The following TRAPPC11 variants were observed in gnomAD, a reference collection of about 807,000 sequenced individuals.
TRAPPC11 encodes foie gras homolog.
In TRAPPC11, 104 loss-of-function variants were observed where a neutral mutation model predicts 151.2. That is an observed-to-expected ratio of 0.69 (90% CI 0.59 to 0.81). The LOEUF (loss-of-function observed/expected upper bound fraction) is 0.81, where lower values mean the gene tolerates loss of function less well. Among genes scored for constraint, TRAPPC11 ranks in the 30% least tolerant of loss-of-function variants. The probability of loss-of-function intolerance (pLI) is 0.00; values close to 1 mark genes in which losing one functional copy is unlikely to be tolerated. For missense variants in TRAPPC11, 1,230 were observed against 1,349.6 expected, an observed-to-expected ratio of 0.91 and a Z score of 1.39; for synonymous variants, 456 against 472.3, an observed-to-expected ratio of 0.97 and a Z score of 0.45.
In TRAPPC11 at chr4:183,694,018, G is replaced by C. The variant is rs747095085; in HGVS notation, c.2488G>C (p.Asp830His). Residue 830 changes from aspartate to histidine, a missense_variant, in exon 22 of 30, where the codon GAC (aspartate) becomes CAC (histidine). Coordinates refer to ENST00000334690, the MANE Select transcript of TRAPPC11 (RefSeq NM_021942.6). Reference sequence around the variant, plus strand: ...TTTACTCACTGACATTCCTGTTGGAGACTTACATCCAGGGGAACAGGTAAA... The same window carrying C: ...TTTACTCACTGACATTCCTGTTGGACACTTACATCCAGGGGAACAGGTAAA... ...PALLTDIPVG[D>H]LHPGEQLEKM... The C allele has an allele frequency of 1.2e-6, 2 of 1,613,968 alleles. No individual in the cohort carries two copies. Among genetic ancestry groups the C allele is most frequent in the Non-Finnish European group, 1.7e-6 (2 of 1,179,838 alleles).
At chr4:183,683,942 T>A in intron 11 of TRAPPC11, 33 bp from the exon 12 acceptor site, 1 of 1,532,298 alleles carries the variant, frequency 6.5e-7, no homozygotes, top group Non-Finnish European at 9.0e-7. Context: ...TTAAATGAGC[T>A]GTCTAAAATG....
intron 20 of TRAPPC11, 72 bp from the exon 21 acceptor site, chr4:183,693,517 T>A: frequency 1.3e-6 from 2 of 1,503,128 alleles, no homozygotes; most frequent in Non-Finnish European, 1.8e-6. Flanking sequence ...CTTATTTCTT[T>A]TAAATACTTT....
In TRAPPC11 at chr4:183,692,997, G is replaced by A. The variant is rs775381679; in HGVS notation, c.2087G>A (p.Gly696Glu). Residue 696 changes from glycine (G) to glutamate (E), a missense_variant, in exon 20 of 30, where the codon GGA becomes GAA. By Grantham distance (98) the Gly-to-Glu change is moderately conservative. Transcript: ENST00000334690. The stretch of plus-strand genomic sequence containing the variant: ...GATCTTGCTCTGGGCAATGAGACGG[G>A]AAGATGTGTGGTTTTAAATTGGCAG... ...SVDLALGNET[G>E]RCVVLNWQGG... 4 of 1,613,214 alleles carry A rather than the reference G, an allele frequency of 2.5e-6. No homozygotes were observed. In the Admixed American group the frequency reaches 5.0e-5, roughly 20 times the overall value.
chr4:183,686,164 C>G (rs1348195532), intron 17 of TRAPPC11, among the ~76,000 whole-genome samples: 2 of 151,858 alleles, frequency 1.3e-5, no homozygotes, highest in Non-Finnish European at 2.9e-5. Context: ...TGAGATAGAG[C>G]CTTGCTCTGT....
intron 5 of TRAPPC11, among the ~76,000 whole-genome samples, chr4:183,673,018 A>G (rs907303257): frequency 6.9e-6 from 1 of 145,778 alleles, no homozygotes; most frequent in Non-Finnish European, 1.5e-5. Context: ...GCTGGAGTAC[A>G]GTGGCGTCAT....
chr4:183,674,128 C>T (rs1454707618), intron 5 of TRAPPC11, among the ~76,000 whole-genome samples: 1 of 152,006 alleles, frequency 6.6e-6, no homozygotes, highest in Non-Finnish European at 1.5e-5. Flanking sequence ...AAATTTTAGG[C>T]CAGGAGCGGT....
intron 26 of TRAPPC11, among the ~76,000 whole-genome samples, chr4:183,703,109 C>A (rs1428811772): frequency 1.3e-5 from 2 of 152,096 alleles, no homozygotes; most frequent in Non-Finnish European, 2.9e-5. Flanking sequence ...AAGCATAGAA[C>A]AAGAAGGAAA....
intron 23 of TRAPPC11, 150 bp downstream of exon 23, chr4:183,694,873 T>G (rs1016412985): frequency 2.6e-6 from 2 of 783,442 alleles, no homozygotes; most frequent in African/African-American, 1.9e-5. Flanking sequence ...AAAAAATCAC[T>G]TATATTGAGA....
At chr4:183,688,253 T>C (rs1016690028) in intron 18 of TRAPPC11, among the ~76,000 whole-genome samples, 3 of 152,090 alleles carry the variant, frequency 2.0e-5, no homozygotes, top group African/African-American at 7.2e-5. Flanking sequence ...ACAGCTGTAG[T>C]AGGCATGCCA....
rs181452400 is a variant in TRAPPC11 at position 183,706,501 on chromosome 4, T to C, written c.3056-306T>C. Among the ~76,000 whole-genome samples, 65 of 147,968 alleles carry C rather than the reference T, an allele frequency of 4.4e-4. 1 individual carries two copies. The East Asian group carries it at 9.0e-3, about 20-fold the overall frequency. ...TAGCACCACTGCACTCCAGCCTGGG[T>C]GAAAGAGCGAGACTCCGCCTCAAAA... On this transcript the variant is annotated intron_variant, in intron 27 of 29. Transcript: ENST00000334690.
At chr4:183,664,659 A>C (rs1345324958) in intron 2 of TRAPPC11, among the ~76,000 whole-genome samples, 1 of 152,192 alleles carries the variant, frequency 6.6e-6, no homozygotes, top group Non-Finnish European at 1.5e-5. Flanking sequence ...TATCATGATG[A>C]TAGTATCACT....
chr4:183,707,178 T>G (rs1737116372), intron 28 of TRAPPC11, among the ~76,000 whole-genome samples: 1 of 152,060 alleles, frequency 6.6e-6, no homozygotes, highest in Admixed American at 6.6e-5. Flanking sequence ...CACAAATCCT[T>G]GGACTATATT....
chr4:183,711,319 G>A (rs536627350), intron 29 of TRAPPC11, among the ~76,000 whole-genome samples: 10 of 152,180 alleles, frequency 6.6e-5, no homozygotes, highest in Admixed American at 1.3e-4. Flanking sequence ...CATTTCAAGT[G>A]CTCAATCGCT....
Position 183,705,469 on chromosome 4 carries a change from T to C in TRAPPC11, c.3055+399T>C, listed in dbSNP as rs113478899. Among the ~76,000 whole-genome samples the C allele has an allele frequency of 3.4e-3, 522 of 152,268 alleles. 2 individuals are homozygous for C. Among genetic ancestry groups the C allele is most frequent in the African/African-American group, 0.012 (492 of 41,546 alleles). On this transcript the variant is annotated intron_variant, in intron 27 of 29. Coordinates refer to ENST00000334690, the MANE Select transcript of TRAPPC11 (RefSeq NM_021942.6). Reference sequence around the variant, plus strand: ...CTATACACTGCAACTGATGGATAAGTCTTATACTATCCTGTAACCTATAGG... The same window carrying C: ...CTATACACTGCAACTGATGGATAAGCCTTATACTATCCTGTAACCTATAGG...
At chr4:183,695,780 T>A (rs893202096) in intron 23 of TRAPPC11, among the ~76,000 whole-genome samples, 2 of 152,196 alleles carry the variant, frequency 1.3e-5, no homozygotes, top group Non-Finnish European at 2.9e-5. Context: ...AAGAAAACCA[T>A]CTCAAAATTA....
chr4:183,686,822 T>C, intron 18 of TRAPPC11, 74 bp downstream of exon 18: 1 of 1,502,242 alleles, frequency 6.7e-7, no homozygotes, highest in Non-Finnish European at 9.1e-7. Flanking sequence ...TAAAATGAGC[T>C]TAGTGAATTT....
intron 29 of TRAPPC11, among the ~76,000 whole-genome samples, chr4:183,709,635 C>T (rs973722840): frequency 8.6e-5 from 13 of 152,042 alleles, no homozygotes; most frequent in African/African-American, 1.7e-4. Context: ...ATTAGCCGGG[C>T]GTGGTGGCAG....
chr4:183,665,967 A>G (rs1734861042), intron 2 of TRAPPC11, among the ~76,000 whole-genome samples: 1 of 145,350 alleles, frequency 6.9e-6, no homozygotes, highest in South Asian at 2.2e-4. Flanking sequence ...AGTATTTGAG[A>G]CCCTTGACAT....
chr4:183,691,115 GT>G (rs1318249045), intron 18 of TRAPPC11, among the ~76,000 whole-genome samples, 200 bp from the exon 19 acceptor site: 1 of 152,210 alleles, frequency 6.6e-6, no homozygotes, highest in Non-Finnish European at 1.5e-5. Flanking sequence ...TCAGAAAACA[GT>G]TTATGTGTAG....
Sources: allele counts gnomAD v4.1 joint callset (sites outside exome capture counted in the v4.1 genomes callset), GRCh38; gene constraint gnomAD v4.1.1; transcripts MANE v1.5; gene names NCBI Gene and HGNC (gene_info 2026-07-23, HGNC 2026-07-21).